Variants in CXCL13 observed in about 807,000 individuals in gnomAD.
CXCL13 encodes C-X-C motif chemokine ligand 13.
CXCL13 carries 7 observed loss-of-function variants against 12.2 expected under a neutral mutation model. The ratio of observed to expected loss-of-function variants is 0.57; its 90% CI spans 0.33 to 1.07. CXCL13 has a LOEUF of 1.07. Ranked by LOEUF, CXCL13 falls within the 50% of genes least tolerant of loss-of-function variation. The pLI is 0.04. For missense variants in CXCL13, 113 were observed against 127.4 expected (o/e 0.89, Z 0.55); for synonymous variants, 47 against 42.4 (o/e 1.11, Z -0.42).
intron 1 of CXCL13, among the ~76,000 whole-genome samples, chr4:77,545,082 C>T (rs1309741023): frequency 1.3e-5 from 2 of 152,216 alleles, no homozygotes; most frequent in Middle Eastern, 3.4e-3. Context: ...CTTCTGAGGG[C>T]TCTCTTCTGT....
chr4:77,513,786 T>A (rs1024829676), intron 1 of CXCL13, among the ~76,000 whole-genome samples: 6 of 150,010 alleles, frequency 4.0e-5, no homozygotes, highest in Admixed American at 3.3e-4. Context: ...CCATTCTAAC[T>A]GGTGTGAGAT....
chr4:77,577,711 T>G (rs1726230025), intron 1 of CXCL13, among the ~76,000 whole-genome samples: 1 of 152,158 alleles, frequency 6.6e-6, no homozygotes, highest in Non-Finnish European at 1.5e-5. Context: ...TAATGGTCAC[T>G]GGGACTCAGG....
chr4:77,532,277 A>G (rs1320143138), intron 1 of CXCL13, among the ~76,000 whole-genome samples: 2 of 152,126 alleles, frequency 1.3e-5, no homozygotes. Flanking sequence ...GCTTGTCTGT[A>G]AAGTATTTTA....
intron 1 of CXCL13, among the ~76,000 whole-genome samples, chr4:77,538,080 G>A (rs1725103954): frequency 6.6e-6 from 1 of 152,198 alleles, no homozygotes; most frequent in Non-Finnish European, 1.5e-5. Flanking sequence ...GAGTCCCAGA[G>A]TCCCAGTGGA....
chr4:77,555,191 A>G (rs532823462), intron 1 of CXCL13, among the ~76,000 whole-genome samples: 6 of 152,100 alleles, frequency 3.9e-5, no homozygotes, highest in South Asian at 4.1e-4. Context: ...CAAGAAAAAA[A>G]GGATATGAGT....
At position 77,523,261 on chromosome 4, in the gene CXCL13, G is replaced by T. The variant is rs189413996; in HGVS notation, c.-43+11473G>T. On this transcript the variant is annotated intron_variant, in intron 1 of 4. Coordinates refer to the CXCL13 transcript ENST00000286758. ...AGGAATTTGAATGTTGGCCTGCCTT[G>T]CTATGTTGGGGAAGTTCTCCTGGAT... Among the ~76,000 whole-genome samples, 782 of 152,292 alleles carry T rather than the reference G, an allele frequency of 5.1e-3. 7 individuals carry two copies. The highest frequency in any genetic ancestry group is 0.017 in the African/African-American group (695 of 41,548).
chr4:77,594,683 G>C (rs1261767657), intron 1 of CXCL13, among the ~76,000 whole-genome samples: 2 of 152,084 alleles, frequency 1.3e-5, no homozygotes, highest in East Asian at 1.9e-4. Flanking sequence ...ACCTCATTTT[G>C]GTGGTTTGAA....
At chr4:77,526,225 A>G (rs76908984) in intron 1 of CXCL13, among the ~76,000 whole-genome samples, 2,221 of 152,154 alleles carry the variant, frequency 0.015, 54 homozygotes, top group East Asian at 0.076. Context: ...GGTTTGTTTC[A>G]TGGCAAATAT....
chr4:77,595,671 AC>A (rs113538580), intron 1 of CXCL13, among the ~76,000 whole-genome samples: 8,786 of 152,184 alleles, frequency 0.058, 451 homozygotes, highest in African/African-American at 0.13. Flanking sequence ...TCTGTCCTGC[AC>A]CCCCAAAGAG....
intron 1 of CXCL13, among the ~76,000 whole-genome samples, chr4:77,567,246 G>A (rs190155365): frequency 2.6e-5 from 4 of 152,258 alleles, no homozygotes; most frequent in Non-Finnish European, 4.4e-5. Flanking sequence ...AAGAACTAAT[G>A]ATAATCCCAC....
chr4:77,551,356 T>A (rs1038812117), intron 1 of CXCL13, among the ~76,000 whole-genome samples: 2 of 152,192 alleles, frequency 1.3e-5, no homozygotes, highest in Non-Finnish European at 2.9e-5. Flanking sequence ...TGGAAAAGGA[T>A]TTTATTTCTC....
chr4:77,600,760 A>G (rs1270378884), intron 1 of CXCL13, among the ~76,000 whole-genome samples: 1 of 152,208 alleles, frequency 6.6e-6, no homozygotes, highest in Non-Finnish European at 1.5e-5. Context: ...ATGTGATCTC[A>G]TGCCAGAGGA....
intron 1 of CXCL13, among the ~76,000 whole-genome samples, chr4:77,575,904 G>C (rs544651265): frequency 6.6e-6 from 1 of 151,704 alleles, no homozygotes; most frequent in Non-Finnish European, 1.5e-5. Flanking sequence ...AAATTCTAAT[G>C]TCTGAGTATA....
intron 1 of CXCL13, among the ~76,000 whole-genome samples, chr4:77,519,561 G>A (rs1338530166): frequency 6.6e-6 from 1 of 152,036 alleles, no homozygotes; most frequent in Non-Finnish European, 1.5e-5. Flanking sequence ...TTTTTGATGG[G>A]GTTGTTTTTT....
chr4:77,609,099 T>C (rs1002224200), intron 2 of CXCL13, among the ~76,000 whole-genome samples: 1 of 152,220 alleles, frequency 6.6e-6, no homozygotes, highest in Non-Finnish European at 1.5e-5. Flanking sequence ...TGAGTCCAGA[T>C]GATCAGAAAT....
chr4:77,534,813 C>T (rs1447319796), intron 1 of CXCL13, among the ~76,000 whole-genome samples: 2 of 152,160 alleles, frequency 1.3e-5, no homozygotes, highest in Admixed American at 1.3e-4. Flanking sequence ...GCTTCAGGAC[C>T]TCCTCTTTGC....
At chr4:77,603,276 T>A (rs965490077), upstream of CXCL13, among the ~76,000 whole-genome samples, 2 of 152,162 alleles carry the variant, frequency 1.3e-5, no homozygotes, top group African/African-American at 4.8e-5. Flanking sequence ...CTGTAAGAAA[T>A]TGACCATTCA....
chr4:77,527,234 C>A (rs1326066953), intron 1 of CXCL13, among the ~76,000 whole-genome samples: 3 of 152,062 alleles, frequency 2.0e-5, no homozygotes, highest in Non-Finnish European at 4.4e-5. Context: ...TTAAAAAATG[C>A]TGATGACACT....
intron 1 of CXCL13, among the ~76,000 whole-genome samples, chr4:77,514,441 A>G (rs1400807305): frequency 1.2e-4 from 17 of 141,748 alleles, no homozygotes; most frequent in Non-Finnish European, 2.0e-4. Flanking sequence ...AAGTGTTCCT[A>G]TTTCTCCACA....
Sources: allele counts gnomAD v4.1 joint callset (sites outside exome capture counted in the v4.1 genomes callset), GRCh38; gene constraint gnomAD v4.1.1; transcripts MANE v1.5; gene names NCBI Gene and HGNC (gene_info 2026-07-23, HGNC 2026-07-21).